MFSD8: variants seen among roughly 807,000 people sequenced by gnomAD.
MFSD8 encodes the protein major facilitator superfamily domain containing 8.
Under a neutral mutation model 66.4 loss-of-function variants are expected in MFSD8, and 55 were observed. That is an observed-to-expected ratio of 0.83 (90% CI 0.67 to 1.04). MFSD8 has a LOEUF of 1.04. MFSD8 is among the 50% of genes least tolerant of loss of function. The pLI is 0.00. For synonymous variants in MFSD8, 202 were observed against 212.8 expected (o/e 0.95, Z 0.44); for missense variants, 550 against 627.6 (o/e 0.88, Z 1.32).
intron 1 of MFSD8, among the ~76,000 whole-genome samples, chr4:127,961,815 C>T (rs1194653572): frequency 2.0e-5 from 2 of 101,802 alleles, no homozygotes; most frequent in Non-Finnish European, 3.9e-5. Flanking sequence ...AGCGAGACTC[C>T]GTCTCAAAAA....
chr4:127,957,871 A>T (rs1172151344), intron 1 of MFSD8, among the ~76,000 whole-genome samples: 1 of 152,222 alleles, frequency 6.6e-6, no homozygotes, highest in Non-Finnish European at 1.5e-5. Context: ...TGACATGCAC[A>T]GATTTATTAA....
At chr4:127,945,889 G>A (rs1481181875) in intron 3 of MFSD8, among the ~76,000 whole-genome samples, 4 of 146,092 alleles carry the variant, frequency 2.7e-5, no homozygotes, top group Admixed American at 2.0e-4. Context: ...CAATTTTAAT[G>A]TTAAATGTGT....
intron 2 of MFSD8, among the ~76,000 whole-genome samples, chr4:127,953,543 G>GT (rs952826538): frequency 0.049 from 3,253 of 67,048 alleles, 1,004 homozygotes; most frequent in African/African-American, 0.067. Context: ...AAGGCATTCT[G>GT]TTTTTTTTTT....
rs192522199 is a variant in MFSD8, at chr4:127,953,711, C to T, written c.154+3790G>A. ...TATTGGCCAGACTGGTCGCAAACTC[C>T]TGACCTCGTGATCCGCCCGCCTCAG... is the stretch of plus-strand genomic sequence containing the variant. On this transcript the variant is annotated intron_variant, in intron 2 of 11. Coordinates refer to ENST00000641686, the MANE Select transcript of MFSD8 (RefSeq NM_001371596.2). Among the ~76,000 whole-genome samples the T allele has an allele frequency of 8.8e-4, 133 of 151,944 alleles. 2 individuals carry two copies. Among genetic ancestry groups the T allele is most frequent in the African/African-American group, 3.0e-3 (123 of 41,466 alleles).
rs376733427 is a variant in MFSD8, at chr4:127,942,067, T to C, written c.531A>G (p.Ala177=). ...SSMANISMCQ[A]LGFILGPVFQ... is the part of the protein sequence containing the mutation. ...TACCTGGACCTAGAATAAAACCTAA[T>C]GCTTGACACATGCTTATGTTTGCCA... The change falls in exon 5 of 12, where the codon GCA becomes GCG. Residue 177 remains alanine (A), a synonymous_variant. Transcript: ENST00000641686. The C allele has an allele frequency of 5.6e-6, 9 of 1,613,798 alleles. 1 individual carries two copies. Among genetic ancestry groups the C allele is most frequent in the Middle Eastern group, 1.6e-4 (1 of 6,082 alleles).
chr4:127,963,294 C>T (rs1744108230), intron 1 of MFSD8, among the ~76,000 whole-genome samples: 1 of 152,194 alleles, frequency 6.6e-6, no homozygotes, highest in Admixed American at 6.5e-5. Flanking sequence ...TCTATTAAAA[C>T]CATCATTTTG....
chr4:127,953,684 C>T (rs997909851), intron 2 of MFSD8, among the ~76,000 whole-genome samples: 6 of 150,426 alleles, frequency 4.0e-5, no homozygotes, highest in African/African-American at 1.5e-4. Context: ...GGGGTTTCAC[C>T]ATATTGGCCA....
intron 2 of MFSD8, among the ~76,000 whole-genome samples, chr4:127,952,748 T>C (rs1486678891): frequency 6.6e-6 from 1 of 151,620 alleles, no homozygotes; most frequent in Non-Finnish European, 1.5e-5. Flanking sequence ...CAGGCACCTG[T>C]AGTCTCATCT....
chr4:127,921,967 T>C lies in MFSD8; in HGVS notation c.999-4A>G, dbSNP rs910246095. ...TAGAATAGCACGCTCGCCAATCCTG[T>C]TAAAGAACAGAAACTCTGTAATTTT... On this transcript the variant is annotated splice_region_variant and splice_polypyrimidine_tract_variant and intron_variant, in intron 9 of 11. Coordinates refer to ENST00000641686, the MANE Select transcript of MFSD8 (RefSeq NM_001371596.2). 3.1e-6 allele frequency: 5 copies of C among 1,612,424 alleles called. No individual in the cohort carries two copies. The highest frequency in any genetic ancestry group is 4.2e-6 in the Non-Finnish European group (5 of 1,178,602).
chr4:127,929,322 CAAAAA>C (rs543453360), intron 9 of MFSD8, among the ~76,000 whole-genome samples: 1 of 30,378 alleles, frequency 3.3e-5, no homozygotes, highest in Non-Finnish European at 5.8e-5. Flanking sequence ...GACTCCGTCA[CAAAAA>C]AAAAAAAAAA....
At chr4:127,922,179 A>C (rs1736435989) in intron 9 of MFSD8, among the ~76,000 whole-genome samples, 1 of 152,232 alleles carries the variant, frequency 6.6e-6, no homozygotes, top group Admixed American at 6.5e-5. Flanking sequence ...ATGAGCTCAG[A>C]TCTTTCACAG....
chr4:127,932,025 C>T (rs1375232578), intron 8 of MFSD8, among the ~76,000 whole-genome samples: 1 of 152,166 alleles, frequency 6.6e-6, no homozygotes, highest in Non-Finnish European at 1.5e-5. Flanking sequence ...GCTGGAAGGT[C>T]ACCTGAGCCC....
Position 127,955,652 on chromosome 4 carries a change from T to C in MFSD8, c.154+1849A>G, listed in dbSNP as rs151332557. ...TCTCAAACTGAAGGCAACCGAGAAATAGCAGATGCAGGAAGGGTTCTCTGC... is the reference window on the plus strand; with the variant it reads ...TCTCAAACTGAAGGCAACCGAGAAACAGCAGATGCAGGAAGGGTTCTCTGC... On this transcript the variant is annotated intron_variant, in intron 2 of 11. Transcript: ENST00000641686. 1.6e-3 allele frequency among the ~76,000 whole-genome samples: 246 copies of C among 151,790 alleles called. 1 individual carries two copies. Among genetic ancestry groups the C allele is most frequent in the African/African-American group, 5.7e-3 (236 of 41,400 alleles).
chr4:127,942,393 A>C (rs1740338333), intron 4 of MFSD8, among the ~76,000 whole-genome samples: 1 of 152,204 alleles, frequency 6.6e-6, no homozygotes, highest in South Asian at 2.1e-4. Flanking sequence ...GAGTGAAAAA[A>C]TGGTATCATA....
At chr4:127,951,092 T>C (rs1741877231) in intron 2 of MFSD8, among the ~76,000 whole-genome samples, 1 of 151,920 alleles carries the variant, frequency 6.6e-6, no homozygotes, top group Non-Finnish European at 1.5e-5. Flanking sequence ...AAAATAAATT[T>C]AAAAATAGCT....
chr4:127,934,172 A>G (rs1283489447), intron 7 of MFSD8, among the ~76,000 whole-genome samples: 2 of 152,058 alleles, frequency 1.3e-5, no homozygotes, highest in Non-Finnish European at 2.9e-5. Flanking sequence ...TAACCAGGAG[A>G]CTGAGGTTGC....
intron 2 of MFSD8, among the ~76,000 whole-genome samples, chr4:127,951,204 T>C (rs879134582): frequency 6.6e-6 from 1 of 152,178 alleles, no homozygotes. Context: ...ATCACAGATA[T>C]GTGCAACCAT....
At chr4:127,933,799 C>A (rs910039192) in intron 7 of MFSD8, 2 of 152,144 alleles carry the variant, frequency 1.3e-5, no homozygotes, top group African/African-American at 4.8e-5. Context: ...CTTAGACTTA[C>A]AAGAATTTCA....
At chr4:127,947,878 ACACACACACACACACACACACT>A (rs904986982) in intron 3 of MFSD8, among the ~76,000 whole-genome samples, 4 of 148,674 alleles carry the variant, frequency 2.7e-5, no homozygotes, top group Admixed American at 1.4e-4. Context: ...ACACACACAC[ACACACACACACACACACACACT>A]CTCTCTCCAA....
Sources: allele counts gnomAD v4.1 joint callset (sites outside exome capture counted in the v4.1 genomes callset), GRCh38; gene constraint gnomAD v4.1.1; transcripts MANE v1.5; gene names NCBI Gene and HGNC (gene_info 2026-07-23, HGNC 2026-07-21).